The following MTMR2 variants were observed in gnomAD, a reference collection of about 807,000 sequenced individuals.
MTMR2 encodes phosphatidylinositol-3,5-bisphosphate 3-phosphatase MTMR2.
Under a neutral mutation model 86.9 loss-of-function variants are expected in MTMR2, and 55 were observed. The ratio of observed to expected loss-of-function variants is 0.63; its 90% CI spans 0.51 to 0.79. MTMR2 has a LOEUF of 0.79. Among genes scored for constraint, MTMR2 ranks in the 30% least tolerant of loss-of-function variants. MTMR2 has a pLI of 0.00. For synonymous variants in MTMR2, 241 were observed against 266.8 expected (o/e 0.90, Z 0.94); for missense variants, 659 against 772.3 (o/e 0.85, Z 1.74).
intron 1 of MTMR2, among the ~76,000 whole-genome samples, chr11:95,890,688 C>T (rs1865685084): frequency 6.6e-6 from 1 of 152,136 alleles, no homozygotes; most frequent in South Asian, 2.1e-4. Flanking sequence ...ATAGGATGAG[C>T]ATAGGTTCTT....
At position 95,921,518 on chromosome 11, in the gene MTMR2, T is replaced by C. The variant is rs986260924; in HGVS notation, c.80+2357A>G. Among the ~76,000 whole-genome samples the C allele has an allele frequency of 9.8e-5, 15 of 152,318 alleles. No individual in the cohort carries two copies. In the East Asian group the frequency reaches 1.7e-3, roughly 18 times the overall value. ...AGACCAAAGCAGGCCACACTGGCAATGTATTAGAGTCACCTGCGATGAAGT... is the reference window on the plus strand; with the variant it reads ...AGACCAAAGCAGGCCACACTGGCAACGTATTAGAGTCACCTGCGATGAAGT... On this transcript the variant is annotated intron_variant, in intron 1 of 14. Coordinates refer to ENST00000346299, the MANE Select transcript of MTMR2 (RefSeq NM_016156.6).
At chr11:95,870,084 G>C (rs557929991) in intron 2 of MTMR2, among the ~76,000 whole-genome samples, 4 of 152,252 alleles carry the variant, frequency 2.6e-5, no homozygotes, top group African/African-American at 9.6e-5. Context: ...TTATTTGCAT[G>C]CTGACATATT....
chr11:95,838,216 C>A lies in MTMR2; in HGVS notation c.1480-9G>T. ...TCAAATGCGGTAGGAAACTGCAAAT[C>A]AAACATCACAAACACATAAATTAAG... On this transcript the variant is annotated splice_polypyrimidine_tract_variant and intron_variant, in intron 12 of 14. Transcript: ENST00000346299. The A allele has an allele frequency of 7.6e-7, 1 of 1,311,428 alleles. No individual in the cohort carries two copies. The highest frequency in any genetic ancestry group is 1.2e-5 in the South Asian group (1 of 85,052). The allele number at this position is 1,311,428 out of a possible 1,614,324, so 81.2% of individuals were successfully genotyped here.
rs551350774 is a variant in MTMR2, at chr11:95,879,014, A to T, written c.186+9142T>A. ...GGGGTCATTGACCCTTATAGAAGTTAAGGAACTTTTCCAAGGTGACATATA... is the reference window on the plus strand; with the variant it reads ...GGGGTCATTGACCCTTATAGAAGTTTAGGAACTTTTCCAAGGTGACATATA... On this transcript the variant is annotated intron_variant, in intron 2 of 14. Transcript: ENST00000346299. 5.9e-5 allele frequency among the ~76,000 whole-genome samples: 9 copies of T among 152,232 alleles called. No homozygotes were observed. In the South Asian group the frequency reaches 1.2e-3, roughly 21 times the overall value.
intron 7 of MTMR2, among the ~76,000 whole-genome samples, chr11:95,857,088 C>G (rs117406802): frequency 0.017 from 2,566 of 152,132 alleles, 37 homozygotes; most frequent in South Asian, 0.064. Context: ...GGTTCTTTAC[C>G]TCTACCTGGC....
At chr11:95,862,449 T>C (rs2135476519) in intron 3 of MTMR2, 83 bp from the exon 4 acceptor site, 1 of 1,049,556 alleles carries the variant, frequency 9.5e-7, no homozygotes, top group Non-Finnish European at 1.5e-6. Context: ...TTGTTATGAT[T>C]CCTAGACTAA....
At chr11:95,907,080 G>T (rs1022248237) in intron 1 of MTMR2, among the ~76,000 whole-genome samples, 1 of 151,944 alleles carries the variant, frequency 6.6e-6, no homozygotes, top group African/African-American at 2.4e-5. Context: ...AGTGGAAGTT[G>T]GTTCTTTGAA....
At chr11:95,895,848 A>C (rs1018171331) in intron 1 of MTMR2, among the ~76,000 whole-genome samples, 1 of 152,162 alleles carries the variant, frequency 6.6e-6, no homozygotes, top group Admixed American at 6.6e-5. Context: ...AAACACATGA[A>C]TGTACATGAA....
intron 2 of MTMR2, among the ~76,000 whole-genome samples, chr11:95,873,341 T>A (rs1012721491): frequency 6.6e-6 from 1 of 152,126 alleles, no homozygotes; most frequent in Non-Finnish European, 1.5e-5. Flanking sequence ...CTTGGGAGAG[T>A]GTATGTGTCG....
At chr11:95,899,923 T>C (rs1866010184) in intron 1 of MTMR2, among the ~76,000 whole-genome samples, 1 of 152,254 alleles carries the variant, frequency 6.6e-6, no homozygotes, top group Non-Finnish European at 1.5e-5. Flanking sequence ...CTGAGGACAA[T>C]GGGAAGCCAT....
intron 2 of MTMR2, among the ~76,000 whole-genome samples, chr11:95,875,358 A>G (rs1362049900): frequency 6.6e-6 from 1 of 152,166 alleles, no homozygotes; most frequent in African/African-American, 2.4e-5. Context: ...ATCTTCCATC[A>G]CTGATACCCT....
intron 2 of MTMR2, among the ~76,000 whole-genome samples, chr11:95,876,819 C>T (rs1490796027): frequency 6.6e-6 from 1 of 152,074 alleles, no homozygotes; most frequent in Non-Finnish European, 1.5e-5. Context: ...CCTTTCTCTT[C>T]TCTCCCTCTC....
In MTMR2 at chr11:95,832,903, GCAATT is replaced by G. The variant is rs1863080086; in HGVS notation, c.*2382_*2386del. 1 of 152,102 alleles carries G rather than the reference GCAATT, an allele frequency of 6.6e-6. No homozygotes were observed. 9.4% of individuals were successfully genotyped at this position (152,102 alleles called of 1,614,324 possible). ...ACTTACGTTGTAACAGAGCTTTATT[GCAATT>G]CATTTCAAATAAGGTTATGTTTACA... On this transcript the variant is annotated 3_prime_UTR_variant, in exon 15 of 15. Transcript: ENST00000346299.
intron 1 of MTMR2, among the ~76,000 whole-genome samples, chr11:95,894,584 T>A (rs1344992578): frequency 6.6e-6 from 1 of 152,170 alleles, no homozygotes; most frequent in Non-Finnish European, 1.5e-5. Flanking sequence ...GATGGCATTA[T>A]GTTTGAAGTA....
At chr11:95,882,889 A>ATTTTTTTTTTTTTTTT (rs776661875) in intron 2 of MTMR2, among the ~76,000 whole-genome samples, 3 of 76,076 alleles carry the variant, frequency 3.9e-5, no homozygotes, top group Non-Finnish European at 7.0e-5. Flanking sequence ...CATCCAGCTA[A>ATTTTTTTTTTTTTTTT]TTTTTTTTTT....
At position 95,840,596 on chromosome 11, in the gene MTMR2, T is replaced by C. The variant is rs947465782; in HGVS notation, c.1479+1021A>G. Among the ~76,000 whole-genome samples the C allele has an allele frequency of 2.0e-5, 3 of 152,150 alleles. No homozygotes were observed. The East Asian group carries it at 5.8e-4, about 29-fold the overall frequency. On this transcript the variant is annotated intron_variant, in intron 12 of 14. Transcript: ENST00000346299. ...ATGCTAAAATACTAGTCTCATCATA[T>C]CATAGTCATAGCTACAAAAATGCTT... is the stretch of plus-strand genomic sequence containing the variant.
intron 1 of MTMR2, among the ~76,000 whole-genome samples, chr11:95,902,908 C>T (rs1053077485): frequency 2.0e-5 from 3 of 152,230 alleles, no homozygotes; most frequent in Non-Finnish European, 4.4e-5. Context: ...CAGCATGTAC[C>T]ACCCTCTTTG....
intron 5 of MTMR2, among the ~76,000 whole-genome samples, chr11:95,860,667 T>C (rs1864382225): frequency 1.3e-5 from 2 of 152,222 alleles, no homozygotes; most frequent in South Asian, 4.1e-4. Flanking sequence ...AGAATCTCAA[T>C]GTGCATGGGT....
intron 2 of MTMR2, among the ~76,000 whole-genome samples, chr11:95,879,632 T>C (rs1373657073): frequency 6.6e-6 from 1 of 152,138 alleles, no homozygotes; most frequent in Non-Finnish European, 1.5e-5. Context: ...CCACCTACTA[T>C]CGCCAACAAA....
Sources: gnomAD v4.1 joint callset for allele counts (sites outside exome capture counted in the v4.1 genomes callset) on GRCh38, gnomAD v4.1.1 for gene constraint, MANE v1.5 for transcripts, NCBI Gene and HGNC (gene_info 2026-07-23, HGNC 2026-07-21) for gene names.